Variants in PTPRD observed in about 807,000 individuals in gnomAD.
PTPRD encodes the protein protein tyrosine phosphatase receptor type D.
PTPRD carries 34 observed loss-of-function variants against 214.5 expected under a neutral mutation model. The observed-to-expected ratio is 0.16, with a 90% CI of 0.12 to 0.21. The LOEUF (loss-of-function observed/expected upper bound fraction) is 0.21, where lower values mean the gene tolerates loss of function less well. PTPRD is among the 10% of genes least tolerant of loss of function. The pLI, the probability that PTPRD is intolerant of heterozygous loss-of-function variation, is 1.00. For missense variants in PTPRD, 2,545 were observed against 2,398.7 expected, an observed-to-expected ratio of 1.06 and a Z score of -1.27; for synonymous variants, 1,128 against 845.7, an observed-to-expected ratio of 1.33 and a Z score of -5.79.
rs57991748 is a variant in PTPRD at position 9,998,129 on chromosome 9, A to AAAAATATAT, written c.-472+35588_-472+35589insATATATTTT. 5.5e-5 allele frequency among the ~76,000 whole-genome samples: 5 copies of AAAAATATAT among 91,492 alleles called. No individual in the cohort carries two copies. The South Asian group carries it at 1.0e-3, about 18-fold the overall frequency. The allele number at this position is 91,492 out of a possible 152,430, so 60.0% of individuals were successfully genotyped here. The stretch of plus-strand genomic sequence containing the variant: ...TTAAAGTATAATAAAAAAAAAAAAA[A>AAAAATATAT]ATATATATATATATATAAAAGAAGA... On this transcript the variant is annotated intron_variant, in intron 4 of 45. Transcript: ENST00000381196.
chr9:8,493,737 C>T (rs2097196608), intron 26 of PTPRD, among the ~76,000 whole-genome samples: 1 of 152,138 alleles, frequency 6.6e-6, no homozygotes, highest in Admixed American at 6.5e-5. Context: ...CTAGTATGTG[C>T]TCAATTTATT....
At chr9:9,961,080 C>A (rs985390129) in intron 4 of PTPRD, among the ~76,000 whole-genome samples, 133 of 87,168 alleles carry the variant, frequency 1.5e-3, no homozygotes, top group African/African-American at 3.9e-3. Flanking sequence ...TCACTGGACA[C>A]CATATCTCCT....
intron 3 of PTPRD, among the ~76,000 whole-genome samples, chr9:10,203,519 A>T (rs1326470522): frequency 6.6e-6 from 1 of 152,092 alleles, no homozygotes; most frequent in South Asian, 2.1e-4. Context: ...TATATTTTAA[A>T]AGATTTATCA....
intron 7 of PTPRD, among the ~76,000 whole-genome samples, chr9:9,624,277 T>TG (rs113053832): frequency 1.0e-3 from 155 of 151,648 alleles, no homozygotes; most frequent in Admixed American, 5.6e-3. Flanking sequence ...CTAGTTTTTT[T>TG]TTTGTTTGTT....
At chr9:10,230,880 C>A (rs551914876) in intron 3 of PTPRD, among the ~76,000 whole-genome samples, 1 of 151,940 alleles carries the variant, frequency 6.6e-6, no homozygotes, top group African/African-American at 2.4e-5. Context: ...GTGCTTCTAG[C>A]GTTTAAAGTT....
intron 19 of PTPRD, among the ~76,000 whole-genome samples, chr9:8,522,353 T>C (rs62534050): frequency 0.032 from 4,923 of 152,172 alleles, 110 homozygotes; most frequent in South Asian, 0.079. Flanking sequence ...AGTATAACGA[T>C]TGAAACACAG....
At chr9:8,581,604 T>A (rs983251402) in intron 14 of PTPRD, among the ~76,000 whole-genome samples, 1 of 151,942 alleles carries the variant, frequency 6.6e-6, no homozygotes, top group Non-Finnish European at 1.5e-5. Flanking sequence ...AAAAATTAGC[T>A]GGGCATGGTG....
chr9:10,505,565 A>G (rs2133453251), intron 2 of PTPRD, among the ~76,000 whole-genome samples: 1 of 152,270 alleles, frequency 6.6e-6, no homozygotes, highest in East Asian at 1.9e-4. Context: ...AAGTGTTAGG[A>G]AACATCGGAT....
intron 43 of PTPRD, among the ~76,000 whole-genome samples, chr9:8,337,376 C>T (rs1024767017): frequency 1.3e-5 from 2 of 151,928 alleles, no homozygotes; most frequent in Non-Finnish European, 2.9e-5. Context: ...CCAAACACTG[C>T]ACTCAAAAGT....
At position 10,551,933 on chromosome 9, in the gene PTPRD, C is replaced by T. The variant is rs574990986; in HGVS notation, c.-600+60465G>A. ...GGTTACTACTTCAAGTACTCCCTTT[C>T]TGCACATTCATCCACTCAGTCGAAT... On this transcript the variant is annotated intron_variant, in intron 2 of 45. Coordinates refer to ENST00000381196, the MANE Select transcript of PTPRD (RefSeq NM_002839.4). 2.6e-5 allele frequency among the ~76,000 whole-genome samples: 4 copies of T among 152,320 alleles called. No homozygotes were observed. In the South Asian group the frequency reaches 8.3e-4, roughly 32 times the overall value.
At chr9:10,098,997 C>T (rs780240575) in intron 3 of PTPRD, among the ~76,000 whole-genome samples, 34 of 151,720 alleles carry the variant, frequency 2.2e-4, no homozygotes, top group Non-Finnish European at 3.2e-4. Flanking sequence ...TGGGTGTACC[C>T]TCTTTTGACA....
chr9:10,370,532 T>C (rs1234010818), intron 2 of PTPRD, among the ~76,000 whole-genome samples: 1 of 152,094 alleles, frequency 6.6e-6, no homozygotes, highest in African/African-American at 2.4e-5. Context: ...AACATTTATG[T>C]AGAATTTTGA....
intron 3 of PTPRD, among the ~76,000 whole-genome samples, chr9:10,094,182 C>G (rs1358019469): frequency 6.6e-6 from 1 of 151,442 alleles, no homozygotes; most frequent in African/African-American, 2.4e-5. Context: ...ATATTTTACT[C>G]TGTCTATCCT....
intron 14 of PTPRD, among the ~76,000 whole-genome samples, chr9:8,595,350 C>A (rs368370717): frequency 5.1e-4 from 77 of 152,108 alleles, no homozygotes; most frequent in African/African-American, 1.7e-3. Flanking sequence ...AACCATATAG[C>A]CAATCAAAGC....
At chr9:8,469,642 T>G (rs1271050956) in intron 31 of PTPRD, among the ~76,000 whole-genome samples, 1 of 152,234 alleles carries the variant, frequency 6.6e-6, no homozygotes, top group African/African-American at 2.4e-5. Flanking sequence ...TATCACAGAA[T>G]AATGATTTTG....
At chr9:9,219,495 T>G (rs982221418) in intron 9 of PTPRD, among the ~76,000 whole-genome samples, 14 of 152,104 alleles carry the variant, frequency 9.2e-5, no homozygotes, top group Non-Finnish European at 1.5e-5. Flanking sequence ...CCAAATTCCT[T>G]AAAGTTTAAA....
chr9:10,487,988 C>CTCTCTCTCTCTCTT, intron 2 of PTPRD, among the ~76,000 whole-genome samples: 1 of 150,498 alleles, frequency 6.6e-6, no homozygotes, highest in Non-Finnish European at 1.5e-5. Flanking sequence ...CTCTCTCTCT[C>CTCTCTCTCTCTCTT]TCTCTCTCTC....
rs558698823 is a variant in PTPRD, at chr9:10,208,026, T to C, written c.-545+132937A>G. Among the ~76,000 whole-genome samples the C allele has an allele frequency of 3.3e-5, 5 of 152,304 alleles. No homozygotes were observed. The East Asian group carries it at 7.7e-4, about 24-fold the overall frequency. Reference sequence around the variant, plus strand: ...TAGACCTGCACATACACAACATAAATAGAGCATCAGAAGTTGTCGATCATA... The same window carrying C: ...TAGACCTGCACATACACAACATAAACAGAGCATCAGAAGTTGTCGATCATA... On this transcript the variant is annotated intron_variant, in intron 3 of 45. Coordinates refer to ENST00000381196, the MANE Select transcript of PTPRD (RefSeq NM_002839.4).
chr9:8,335,305 G>T (rs1302291007), intron 43 of PTPRD, among the ~76,000 whole-genome samples: 1 of 151,768 alleles, frequency 6.6e-6, no homozygotes, highest in South Asian at 2.1e-4. Context: ...CGATCAAGTC[G>T]GCTTCATCCC....
Sources: allele counts gnomAD v4.1 joint callset (sites outside exome capture counted in the v4.1 genomes callset), GRCh38; gene constraint gnomAD v4.1.1; transcripts MANE v1.5; gene names NCBI Gene and HGNC (gene_info 2026-07-23, HGNC 2026-07-21).